The following TJP1 variants were observed in gnomAD, a reference collection of about 807,000 sequenced individuals.
TJP1 encodes tight junction protein 1, also known as tight junction protein ZO-1.
TJP1 carries 43 observed loss-of-function variants against 194.2 expected under a neutral mutation model. That is an observed-to-expected ratio of 0.22 (90% CI 0.17 to 0.29). The LOEUF (loss-of-function observed/expected upper bound fraction) is 0.29. TJP1 is among the 10% of genes least tolerant of loss of function. The pLI, the probability that TJP1 is intolerant of heterozygous loss-of-function variation, is 1.00. For synonymous variants in TJP1, 801 were observed against 779.0 expected (o/e 1.03, Z -0.47); for missense variants, 1,971 against 2,185.7 (o/e 0.90, Z 1.96).
intron 8 of TJP1, among the ~76,000 whole-genome samples, chr15:29,749,420 A>G (rs1399975386): frequency 6.6e-6 from 1 of 152,196 alleles, no homozygotes; most frequent in African/African-American, 2.4e-5. Flanking sequence ...TTTCAAGTAA[A>G]AAACTTTGGT....
chr15:29,770,739 C>T (rs2046615056), intron 4 of TJP1, among the ~76,000 whole-genome samples: 1 of 151,582 alleles, frequency 6.6e-6, no homozygotes, highest in African/African-American at 2.4e-5. Flanking sequence ...TTTTGTACAG[C>T]TGTACAACGT....
rs1465479379 is a variant in TJP1, at chr15:29,728,028, T to C, written c.2018-9A>G. ...GTCTCGTGGTTCACTCTCTATTCAT[T>C]ATGTCAGGACAAAAATAAGACATCA... is the stretch of plus-strand genomic sequence containing the variant. On this transcript the variant is annotated splice_polypyrimidine_tract_variant and intron_variant, in intron 15 of 27. Transcript: ENST00000614355. 2.5e-6 allele frequency: 4 copies of C among 1,613,086 alleles called. No homozygotes were observed. Among genetic ancestry groups the C allele is most frequent in the African/African-American group, 1.3e-5 (1 of 74,912 alleles).
At chr15:29,948,403 T>C (rs972808828) in intron 2 of TJP1, among the ~76,000 whole-genome samples, 4 of 152,224 alleles carry the variant, frequency 2.6e-5, no homozygotes, top group Non-Finnish European at 4.4e-5. Context: ...GGCCATTATT[T>C]ATGGAGTCTC....
chr15:29,791,739 A>C (rs2048108387), intron 2 of TJP1, among the ~76,000 whole-genome samples: 1 of 152,076 alleles, frequency 6.6e-6, no homozygotes, highest in Non-Finnish European at 1.5e-5. Flanking sequence ...ATTCCTATCA[A>C]CAACGTATAA....
chr15:29,914,129 T>C (rs1274273862), intron 2 of TJP1, among the ~76,000 whole-genome samples: 2 of 152,196 alleles, frequency 1.3e-5, no homozygotes, highest in South Asian at 2.1e-4. Flanking sequence ...AGTATTAATA[T>C]GTTTTAAACG....
At chr15:29,924,217 G>A (rs1268916526) in intron 2 of TJP1, among the ~76,000 whole-genome samples, 1 of 152,080 alleles carries the variant, frequency 6.6e-6, no homozygotes, top group African/African-American at 2.4e-5. Context: ...TGAGACTACA[G>A]GCACACGCCA....
At chr15:29,727,859 T>C in intron 16 of TJP1, 78 bp downstream of exon 16, 2 of 1,225,224 alleles carry the variant, frequency 1.6e-6, no homozygotes, top group Non-Finnish European at 2.4e-6. Flanking sequence ...AACTACCTTC[T>C]ACTTTCAAAT....
At chr15:29,919,477 G>C (rs186137305) in intron 2 of TJP1, among the ~76,000 whole-genome samples, 2 of 152,330 alleles carry the variant, frequency 1.3e-5, no homozygotes, top group African/African-American at 4.8e-5. Flanking sequence ...AAAAGTTCCT[G>C]TCCTGGTGCA....
chr15:29,817,530 C>T (rs1190424238), intron 1 of TJP1, among the ~76,000 whole-genome samples: 1 of 152,148 alleles, frequency 6.6e-6, no homozygotes, highest in Non-Finnish European at 1.5e-5. Context: ...GACACATGCA[C>T]ACATATGTTT....
chr15:29,767,236 A>G (rs1437686198), intron 4 of TJP1, among the ~76,000 whole-genome samples: 1 of 152,140 alleles, frequency 6.6e-6, no homozygotes, highest in Non-Finnish European at 1.5e-5. Context: ...CTGACGATCT[A>G]CATGTATTAC....
At chr15:29,720,272 A>G in intron 19 of TJP1, 86 bp downstream of exon 19, 1 of 1,226,384 alleles carries the variant, frequency 8.2e-7, no homozygotes, top group South Asian at 1.5e-5. Flanking sequence ...GAGAAAGGAC[A>G]ACATATATAT....
In TJP1 at chr15:29,811,266, T is replaced by C. The variant is rs554443752; in HGVS notation, c.28-10564A>G. 4.2e-4 allele frequency among the ~76,000 whole-genome samples: 64 copies of C among 152,148 alleles called. No individual in the cohort carries two copies. The South Asian group carries it at 0.013, about 31-fold the overall frequency. ...GTTAAGCAGCCTAGGAATTTTAGGA[T>C]GAGTGTTCGCATGTGTGTGTAGCGG... On this transcript the variant is annotated intron_variant, in intron 1 of 27. Transcript: ENST00000614355.
chr15:29,866,142 A>G (rs1378469468), intron 2 of TJP1, among the ~76,000 whole-genome samples: 1 of 152,186 alleles, frequency 6.6e-6, no homozygotes, highest in Non-Finnish European at 1.5e-5. Context: ...CTCCTTTTCA[A>G]AAATAGCAGC....
At chr15:29,722,019 C>A (rs1008074793) in intron 18 of TJP1, among the ~76,000 whole-genome samples, 1 of 152,190 alleles carries the variant, frequency 6.6e-6, no homozygotes, top group Non-Finnish European at 1.5e-5. Context: ...TGTGCACAAA[C>A]AGATTATCTG....
intron 2 of TJP1, among the ~76,000 whole-genome samples, chr15:29,778,060 A>G (rs927035765): frequency 5.3e-5 from 8 of 152,200 alleles, no homozygotes; most frequent in Non-Finnish European, 8.8e-5. Flanking sequence ...CAAAAACATT[A>G]GGAACTTTCA....
At chr15:29,798,019 G>A (rs921279445) in intron 2 of TJP1, among the ~76,000 whole-genome samples, 2 of 152,214 alleles carry the variant, frequency 1.3e-5, no homozygotes, top group South Asian at 4.1e-4. Context: ...TGTTGCCCAG[G>A]ATGGAATGCA....
chr15:29,852,851 C>A (rs1049735699), intron 2 of TJP1, among the ~76,000 whole-genome samples: 5 of 151,868 alleles, frequency 3.3e-5, no homozygotes, highest in Admixed American at 3.3e-4. Flanking sequence ...TTGCAGTGAG[C>A]CGAGATCATG....
At chr15:29,716,522 C>A (rs1441918699) in intron 23 of TJP1, 89 bp downstream of exon 23, 1 of 968,786 alleles carries the variant, frequency 1.0e-6, no homozygotes, top group African/African-American at 1.6e-5. Flanking sequence ...TCATATATTA[C>A]ACTTAAATTA....
At chr15:29,915,115 T>C (rs906833959) in intron 2 of TJP1, among the ~76,000 whole-genome samples, 5 of 151,964 alleles carry the variant, frequency 3.3e-5, no homozygotes, top group Non-Finnish European at 4.4e-5. Context: ...GGAAGGAAAA[T>C]TGTTAAAAAG....
Sources: gnomAD v4.1 joint callset for allele counts (sites outside exome capture counted in the v4.1 genomes callset) on GRCh38, gnomAD v4.1.1 for gene constraint, MANE v1.5 for transcripts, NCBI Gene and HGNC (gene_info 2026-07-23, HGNC 2026-07-21) for gene names.